The following SNRPA variants were observed in gnomAD, a reference collection of about 807,000 sequenced individuals.
SNRPA encodes small nuclear ribonucleoprotein polypeptide A, also known as U1 small nuclear ribonucleoprotein A.
A neutral mutation model predicts 24.5 loss-of-function variants in SNRPA; 10 were observed. That is an observed-to-expected ratio of 0.41 (90% confidence interval 0.25 to 0.69). The LOEUF (loss-of-function observed/expected upper bound fraction) is 0.69, where lower values mean the gene tolerates loss of function less well. Ranked by LOEUF, SNRPA falls within the 30% of genes least tolerant of loss-of-function variation. The pLI, the probability that SNRPA is intolerant of heterozygous loss-of-function variation, is 0.33. For synonymous variants in SNRPA, 165 were observed against 148.4 expected (o/e 1.11, Z -0.81); for missense variants, 283 against 394.7 (o/e 0.72, Z 2.40).
rs2082948739 is a variant in SNRPA, at chr19:40,765,175, TC to T, written c.*14del. ...TCCTTTGCCAAGAAGTAGCACCTTTTCCCCCCATGCCTGCCCCTTCCCCTGT... is the reference window on the plus strand; with the variant it reads ...TCCTTTGCCAAGAAGTAGCACCTTTTCCCCCATGCCTGCCCCTTCCCCTGT... On this transcript the variant is annotated 3_prime_UTR_variant, in exon 6 of 6. Transcript: ENST00000243563. The T allele has an allele frequency of 2.6e-6, 4 of 1,516,876 alleles. No homozygotes were observed. Among genetic ancestry groups the T allele is most frequent in the South Asian group, 1.3e-5 (1 of 77,500 alleles). The allele number at this position is 1,516,876 out of a possible 1,614,324, so 94.0% of individuals were successfully genotyped here. A position where few individuals can be genotyped will look rare whatever the true frequency, so the allele number is the denominator to read the frequency against.
chr19:40,762,506 C>T (rs991802748), intron 3 of SNRPA, among the ~76,000 whole-genome samples: 2 of 152,044 alleles, frequency 1.3e-5, no homozygotes, highest in African/African-American at 4.8e-5. Flanking sequence ...CGTGAGCCAT[C>T]GTGCCCGGCC....
chr19:40,756,348 C>T (rs1356424206), intron 1 of SNRPA, among the ~76,000 whole-genome samples: 1 of 151,880 alleles, frequency 6.6e-6, no homozygotes. Flanking sequence ...GTAATCCCAG[C>T]ACTTTCGGAG....
At chr19:40,764,399 C>T (rs1197477556) in intron 5 of SNRPA, among the ~76,000 whole-genome samples, 5 of 152,108 alleles carry the variant, frequency 3.3e-5, no homozygotes, top group Non-Finnish European at 7.4e-5. Context: ...ACATGTGCAG[C>T]CTGTCCACAA....
At chr19:40,760,347 C>T (rs1475988293) in intron 3 of SNRPA, among the ~76,000 whole-genome samples, 1 of 152,196 alleles carries the variant, frequency 6.6e-6, no homozygotes, top group Non-Finnish European at 1.5e-5. Context: ...CAGTAGACTT[C>T]ACATTGAAAA....
At chr19:40,753,384 G>GTTTTTTTTTTTGTTTTTTTTTTT (rs2082893032) in intron 1 of SNRPA, among the ~76,000 whole-genome samples, 1 of 38,382 alleles carries the variant, frequency 2.6e-5, no homozygotes. Context: ...TTTTGCATAT[G>GTTTTTTTTTTTGTTTTTTTTTTT]TTTTTTTTTT....
chr19:40,754,955 A>G (rs942492701), intron 1 of SNRPA, among the ~76,000 whole-genome samples: 3 of 152,170 alleles, frequency 2.0e-5, no homozygotes, highest in Non-Finnish European at 2.9e-5. Flanking sequence ...TGTCACCACC[A>G]GGAGAATTTT....
At chr19:40,755,646 G>C in intron 1 of SNRPA, among the ~76,000 whole-genome samples, 1 of 152,116 alleles carries the variant, frequency 6.6e-6, no homozygotes. Flanking sequence ...AGAGTGCTGG[G>C]ATTACAGGTG....
chr19:40,751,809 G>T (rs2082868751), intron 1 of SNRPA, among the ~76,000 whole-genome samples: 1 of 152,164 alleles, frequency 6.6e-6, no homozygotes, highest in Non-Finnish European at 1.5e-5. Context: ...CCTCTGAGCT[G>T]TCGTGGGGCT....
At position 40,762,929 on chromosome 19, in the gene SNRPA, G is replaced by T; in HGVS notation, c.455G>T (p.Arg152Leu). Residue 152 changes from arginine (R) to leucine (L), a missense_variant, in exon 4 of 6, where the codon CGC (arginine) becomes CTC (leucine). Physicochemically the swap from Arg to Leu is moderately radical, Grantham distance 102 (BLOSUM62 -2). Coordinates refer to ENST00000243563, the MANE Select transcript of SNRPA (RefSeq NM_004596.5). ...ATGCCGCCGATGACTCAGGCGCCCC[G>T]CATTATGCACCACATGCCGGGCCAG... ...PGMPPMTQAP[R>L]IMHHMPGQPP... is the part of the protein sequence containing the mutation. 7 of 1,613,682 alleles carry T rather than the reference G, an allele frequency of 4.3e-6. No homozygotes were observed. Among genetic ancestry groups the T allele is most frequent in the Non-Finnish European group, 5.9e-6 (7 of 1,179,942 alleles).
At chr19:40,751,804 G>T (rs1371484958) in intron 1 of SNRPA, among the ~76,000 whole-genome samples, 1 of 152,108 alleles carries the variant, frequency 6.6e-6, no homozygotes, top group Non-Finnish European at 1.5e-5. Context: ...TGATTCCTCT[G>T]AGCTGTCGTG....
At chr19:40,754,259 C>T (rs572180069) in intron 1 of SNRPA, among the ~76,000 whole-genome samples, 28 of 152,198 alleles carry the variant, frequency 1.8e-4, no homozygotes, top group African/African-American at 6.3e-4. Context: ...CCTGCTACCA[C>T]GCTTGGCTAA....
chr19:40,751,769 G>A (rs1387943069), intron 1 of SNRPA, among the ~76,000 whole-genome samples: 1 of 152,090 alleles, frequency 6.6e-6, no homozygotes, highest in Non-Finnish European at 1.5e-5. Flanking sequence ...CTTGCCGTAC[G>A]CTGAGACCAT....
intron 3 of SNRPA, 153 bp downstream of exon 3, chr19:40,759,763 G>C (rs971623013): frequency 1.5e-6 from 1 of 650,708 alleles, no homozygotes; most frequent in South Asian, 2.4e-5. Flanking sequence ...TCTCTCTTTT[G>C]GGGGGTATTG....
Position 40,765,242 on chromosome 19 carries a change from G to A in SNRPA, c.*75G>A. ...TTCCCCCTTGGCTCAGCCCCCTGAA[G>A]GTAAGTCCCCCCTTGGGGGCCTTCT... is the stretch of plus-strand genomic sequence containing the variant. On this transcript the variant is annotated 3_prime_UTR_variant, in exon 6 of 6. Transcript: ENST00000243563. The A allele has an allele frequency of 1.8e-6, 2 of 1,111,358 alleles. No individual in the cohort carries two copies. The highest frequency in any genetic ancestry group is 3.1e-5 in the East Asian group (1 of 32,250). 68.8% of individuals were successfully genotyped at this position (1,111,358 alleles called of 1,614,324 possible).
chr19:40,760,357 A>G (rs774203750), intron 3 of SNRPA, among the ~76,000 whole-genome samples: 1 of 152,224 alleles, frequency 6.6e-6, no homozygotes. Context: ...CACATTGAAA[A>G]GTAGCACTGA....
Position 40,751,251 on chromosome 19 carries a change from C to T in SNRPA, c.-158C>T. The T allele has an allele frequency of 1.5e-6, 1 of 674,174 alleles. No homozygotes were observed. Among genetic ancestry groups the T allele is most frequent in the Non-Finnish European group, 2.7e-6 (1 of 366,972 alleles). 41.8% of individuals were successfully genotyped at this position (674,174 alleles called of 1,614,324 possible). The stretch of plus-strand genomic sequence containing the variant: ...GCGGGTCCTACGCACGCTTTGTTGT[C>T]GCGCTTTGCCTCCGTCCTTGCCCCT... On this transcript the variant is annotated 5_prime_UTR_variant, in exon 1 of 6. Transcript: ENST00000243563.
intron 3 of SNRPA, among the ~76,000 whole-genome samples, chr19:40,761,692 C>G (rs1019574462): frequency 6.6e-6 from 1 of 151,866 alleles, no homozygotes; most frequent in Admixed American, 6.6e-5. Context: ...GTCTCGAACT[C>G]CTGACCTCAA....
intron 3 of SNRPA, 80 bp downstream of exon 3, chr19:40,759,690 G>C: frequency 7.5e-7 from 1 of 1,336,638 alleles, no homozygotes. Flanking sequence ...ACAGGGTGGG[G>C]AGAGTTCTCC....
intron 3 of SNRPA, among the ~76,000 whole-genome samples, chr19:40,762,286 G>A (rs757768768): frequency 6.7e-6 from 1 of 149,468 alleles, no homozygotes; most frequent in Non-Finnish European, 1.5e-5. Flanking sequence ...GTGTGATCTC[G>A]GCTCACTCCA....
Sources: gnomAD v4.1 joint callset for allele counts (sites outside exome capture counted in the v4.1 genomes callset) on GRCh38, gnomAD v4.1.1 for gene constraint, MANE v1.5 for transcripts, NCBI Gene and HGNC (gene_info 2026-07-23, HGNC 2026-07-21) for gene names.